The following RERE variants were observed in gnomAD, a reference collection of about 807,000 sequenced individuals.
RERE encodes arginine-glutamic acid dipeptide repeats protein.
In RERE, 40 loss-of-function variants were observed where a neutral mutation model predicts 146.1. The observed-to-expected ratio is 0.27, with a 90% confidence interval of 0.21 to 0.36. The LOEUF is 0.36. Ranked by LOEUF, RERE falls within the 10% of genes least tolerant of loss-of-function variation. The pLI is 1.00. For missense variants in RERE, 1,933 were observed against 2,138.7 expected (o/e 0.90, Z 1.90); for synonymous variants, 1,003 against 866.0 (o/e 1.16, Z -2.78).
intron 11 of RERE, among the ~76,000 whole-genome samples, chr1:8,460,280 T>C (rs1644509771): frequency 6.6e-6 from 1 of 152,186 alleles, no homozygotes; most frequent in African/African-American, 2.4e-5. Flanking sequence ...AAAAAGGGCA[T>C]AACAAAGGCA....
At chr1:8,777,695 C>T (rs1017562743) in intron 1 of RERE, among the ~76,000 whole-genome samples, 2 of 146,580 alleles carry the variant, frequency 1.4e-5, no homozygotes, top group African/African-American at 2.4e-5. Flanking sequence ...CCACCACACC[C>T]GGCTACTTTT....
At chr1:8,667,776 G>A (rs779264089) in intron 1 of RERE, among the ~76,000 whole-genome samples, 10 of 152,216 alleles carry the variant, frequency 6.6e-5, no homozygotes, top group Non-Finnish European at 1.3e-4. Context: ...ATTATATACA[G>A]TTAGCTTGTA....
At chr1:8,571,697 C>T (rs1403706655) in intron 4 of RERE, among the ~76,000 whole-genome samples, 3 of 152,132 alleles carry the variant, frequency 2.0e-5, no homozygotes, top group Non-Finnish European at 4.4e-5. Context: ...TATTTATAAC[C>T]GTTCCATCTA....
At chr1:8,774,365 T>C (rs1445644136) in intron 1 of RERE, among the ~76,000 whole-genome samples, 1 of 146,678 alleles carries the variant, frequency 6.8e-6, no homozygotes, top group East Asian at 1.9e-4. Context: ...TTTTTTTTTT[T>C]TTTTTGCTAC....
At chr1:8,590,712 G>A (rs1270712653) in intron 4 of RERE, 2 of 152,128 alleles carry the variant, frequency 1.3e-5, no homozygotes, top group Admixed American at 6.5e-5. Context: ...TACGAAATAC[G>A]AAGGCTTCCA....
In RERE at chr1:8,364,100, G is replaced by A. The variant is rs1338508302; in HGVS notation, c.1696C>T (p.Leu566Phe). The A allele has an allele frequency of 1.9e-6, 3 of 1,614,064 alleles. No individual in the cohort carries two copies. Among genetic ancestry groups the A allele is most frequent in the Non-Finnish European group, 1.7e-6 (2 of 1,180,048 alleles). The stretch of plus-strand genomic sequence containing the variant: ...GTCCTCATGCTATGCTTCCCACTGA[G>A]CCCATCATCCTCTTCCTTGACGGGT... The part of the protein sequence containing the change: ...FKPVKEEDDG[L>F]SGKHSMRTRR... The change falls in exon 15 of 23, where the codon CTC becomes TTC. Residue 566 changes from leucine to phenylalanine, a missense_variant. Leu to Phe is a conservative substitution (Grantham distance 22). Coordinates refer to ENST00000400908, the MANE Select transcript of RERE (RefSeq NM_001042681.2). The surrounding 1 kb of genome is among the most constrained non-coding windows in gnomAD (Gnocchi z 5.1).
At chr1:8,520,881 T>A (rs1645488307) in intron 7 of RERE, among the ~76,000 whole-genome samples, 1 of 149,600 alleles carries the variant, frequency 6.7e-6, no homozygotes, top group African/African-American at 2.5e-5. Flanking sequence ...TCAAACTGTA[T>A]AACAAAGCTG....
At chr1:8,790,389 A>T (rs1426918468) in intron 1 of RERE, among the ~76,000 whole-genome samples, 2 of 152,200 alleles carry the variant, frequency 1.3e-5, no homozygotes, top group African/African-American at 2.4e-5. Context: ...ATAAATAATA[A>T]ATCTAATCTA....
intron 12 of RERE, among the ~76,000 whole-genome samples, chr1:8,386,354 T>TC (rs1642681977): frequency 6.6e-6 from 1 of 151,140 alleles, no homozygotes; most frequent in Non-Finnish European, 1.5e-5. Flanking sequence ...AAGAGATTCT[T>TC]CCCACATTGG....
At chr1:8,637,306 C>T (rs114858993) in intron 2 of RERE, among the ~76,000 whole-genome samples, 2,301 of 152,168 alleles carry the variant, frequency 0.015, 58 homozygotes, top group African/African-American at 0.053. Context: ...TGATGTTAAC[C>T]TCTCCTGCAG....
chr1:8,444,917 A>G (rs1467302744), intron 11 of RERE, among the ~76,000 whole-genome samples: 1 of 147,688 alleles, frequency 6.8e-6, no homozygotes, highest in African/African-American at 2.6e-5. Flanking sequence ...TCTTTTCTTT[A>G]TTTAAAAAAA....
chr1:8,715,264 C>A (rs1001291432), intron 1 of RERE, among the ~76,000 whole-genome samples: 6 of 151,946 alleles, frequency 3.9e-5, no homozygotes, highest in Admixed American at 3.9e-4. Context: ...GTAATCCCAG[C>A]ACTTTGGGAG....
intron 6 of RERE, among the ~76,000 whole-genome samples, 192 bp from the exon 7 acceptor site, chr1:8,541,510 C>T (rs1269861588): frequency 6.6e-6 from 1 of 152,056 alleles, no homozygotes; most frequent in Non-Finnish European, 1.5e-5. Context: ...AATCTGACTG[C>T]TTTTATATCA....
At chr1:8,485,560 AC>A (rs1443615420) in intron 10 of RERE, among the ~76,000 whole-genome samples, 1 of 152,150 alleles carries the variant, frequency 6.6e-6, no homozygotes, top group African/African-American at 2.4e-5. Context: ...AAAGAGATGT[AC>A]CATGCAGACA....
intron 3 of RERE, among the ~76,000 whole-genome samples, chr1:8,620,537 C>T (rs1246914395): frequency 1.3e-5 from 2 of 152,154 alleles, no homozygotes; most frequent in African/African-American, 2.4e-5. Flanking sequence ...CTGCCTCAGT[C>T]TCTCAGTTTC....
intron 1 of RERE, among the ~76,000 whole-genome samples, chr1:8,662,963 G>A (rs1271686315): frequency 6.6e-6 from 1 of 152,160 alleles, no homozygotes; most frequent in African/African-American, 2.4e-5. Flanking sequence ...AGATTGCAAA[G>A]TGCTTTACAA....
At position 8,355,570 on chromosome 1, in the gene RERE, C is replaced by T. The variant is rs748768097; in HGVS notation, c.4516G>A (p.Ala1506Thr). 1.9e-6 allele frequency: 3 copies of T among 1,598,824 alleles called. No individual in the cohort carries two copies. Among genetic ancestry groups the T allele is most frequent in the Middle Eastern group, 1.7e-4 (1 of 5,886 alleles). ...GCTGCTGACATGGGGGGTGGGATGG[C>T]CCCAGGCAGGTCACGGGGGTAGGGG... ...GTPYPRDLPGAIPPPMSAAHQ... is the reference protein window; with the variant it reads ...GTPYPRDLPGTIPPPMSAAHQ... Residue 1506 changes from alanine (A) to threonine (T), a missense_variant, in exon 22 of 23, where the codon GCC (alanine) becomes ACC (threonine). Physicochemically the swap from Ala to Thr is moderately conservative, Grantham distance 58 (BLOSUM62 0). This residue lies in a region of RERE where 133 missense variants were observed against 168.6 expected (regional missense o/e 0.79). Coordinates refer to ENST00000400908, the MANE Select transcript of RERE (RefSeq NM_001042681.2).
At chr1:8,738,857 C>G (rs892510182) in intron 1 of RERE, among the ~76,000 whole-genome samples, 1 of 152,192 alleles carries the variant, frequency 6.6e-6, no homozygotes, top group Non-Finnish European at 1.5e-5. Context: ...GTTCCTCACA[C>G]TCTTCCTGGG....
chr1:8,375,881 A>G lies in RERE; in HGVS notation c.1285-9907T>C, dbSNP rs557031436. Reference sequence around the variant, plus strand: ...AACAACATTTTACTATGAAATCTACAATAACTAAGCTAAGCCATATCTTTT... The same window carrying G: ...AACAACATTTTACTATGAAATCTACGATAACTAAGCTAAGCCATATCTTTT... On this transcript the variant is annotated intron_variant, in intron 12 of 22. Coordinates refer to ENST00000400908, the MANE Select transcript of RERE (RefSeq NM_001042681.2). 2.6e-5 allele frequency among the ~76,000 whole-genome samples: 4 copies of G among 152,398 alleles called. No individual in the cohort carries two copies. The South Asian group carries it at 8.3e-4, about 32-fold the overall frequency.
Sources: gnomAD v4.1 joint callset for allele counts (sites outside exome capture counted in the v4.1 genomes callset) on GRCh38, gnomAD v4.1.1 for gene constraint, gnomAD v4.1.1 regional missense constraint, Gnocchi (gnomAD v3.1) non-coding constraint, MANE v1.5 for transcripts, NCBI Gene and HGNC (gene_info 2026-07-23, HGNC 2026-07-21) for gene names.